Variants in HS3ST4 observed in about 807,000 individuals in gnomAD.
HS3ST4 encodes the protein heparan sulfate glucosamine 3-O-sulfotransferase 4.
In HS3ST4, 17 loss-of-function variants were observed where a neutral mutation model predicts 29.2. That is an observed-to-expected ratio of 0.58 (90% CI 0.40 to 0.87). HS3ST4 has a LOEUF of 0.87. Among genes scored for constraint, HS3ST4 ranks in the 40% least tolerant of loss-of-function variants. The pLI is 0.00. For missense variants in HS3ST4, 627 were observed against 634.5 expected, an observed-to-expected ratio of 0.99 and a Z score of 0.13; for synonymous variants, 314 against 285.7, an observed-to-expected ratio of 1.10 and a Z score of -1.00.
At chr16:25,998,940 T>C (rs1969179821) in intron 1 of HS3ST4, among the ~76,000 whole-genome samples, 1 of 152,194 alleles carries the variant, frequency 6.6e-6, no homozygotes, top group African/African-American at 2.4e-5. Flanking sequence ...GCATTTTCTG[T>C]TCCTGAAAGG....
chr16:25,723,192 G>A (rs191557936), intron 1 of HS3ST4, among the ~76,000 whole-genome samples: 24 of 152,234 alleles, frequency 1.6e-4, no homozygotes, highest in African/African-American at 5.5e-4. Context: ...GTAGTGACAC[G>A]GCTAAACCAT....
At chr16:25,881,283 T>A (rs1430637339) in intron 1 of HS3ST4, among the ~76,000 whole-genome samples, 1 of 152,148 alleles carries the variant, frequency 6.6e-6, no homozygotes, top group Non-Finnish European at 1.5e-5. Context: ...TCGATATAAA[T>A]TAAAACAAAT....
rs1462074222 is a variant in HS3ST4, at chr16:25,831,395, CTACACACACACACA to C, written c.734+138245_734+138258del. Reference sequence around the variant, plus strand: ...TGGGCAACATAATGAGACCCCGTCTCTACACACACACACACACACACACACACACACACACACAC... The same window carrying C: ...TGGGCAACATAATGAGACCCCGTCTCCACACACACACACACACACACACAC... On this transcript the variant is annotated intron_variant, in intron 1 of 1. Coordinates refer to ENST00000331351, the MANE Select transcript of HS3ST4 (RefSeq NM_006040.3). Among the ~76,000 whole-genome samples the C allele has an allele frequency of 9.0e-3, 917 of 101,640 alleles. 18 individuals are homozygous for C. Among genetic ancestry groups the C allele is most frequent in the African/African-American group, 0.032 (859 of 27,226 alleles). 66.7% of individuals were successfully genotyped at this position (101,640 alleles called of 152,430 possible). A position where few individuals can be genotyped will look rare whatever the true frequency, so the allele number is the denominator to read the frequency against.
At chr16:25,915,100 C>T (rs893330798) in intron 1 of HS3ST4, among the ~76,000 whole-genome samples, 8 of 152,080 alleles carry the variant, frequency 5.3e-5, no homozygotes, top group Non-Finnish European at 7.4e-5. Flanking sequence ...CAACCAATAA[C>T]GACTCCAGAT....
chr16:25,789,396 TTTG>T (rs1385893776), intron 1 of HS3ST4, among the ~76,000 whole-genome samples: 6 of 148,464 alleles, frequency 4.0e-5, no homozygotes, highest in African/African-American at 1.3e-4. Context: ...TTTCTCTTTC[TTTG>T]TTTTTTCCTT....
At chr16:25,831,995 G>T (rs1477763852) in intron 1 of HS3ST4, among the ~76,000 whole-genome samples, 1 of 152,024 alleles carries the variant, frequency 6.6e-6, no homozygotes, top group Non-Finnish European at 1.5e-5. Flanking sequence ...GGTTCCAGCT[G>T]CTCGGGAGGC....
At chr16:26,028,615 G>A (rs1179717003) in intron 1 of HS3ST4, among the ~76,000 whole-genome samples, 1 of 152,166 alleles carries the variant, frequency 6.6e-6, no homozygotes, top group Admixed American at 6.5e-5. Flanking sequence ...AATGTGATGG[G>A]CTAGTTTCTG....
chr16:26,098,146 T>G (rs1898950440), intron 1 of HS3ST4, among the ~76,000 whole-genome samples: 1 of 152,064 alleles, frequency 6.6e-6, no homozygotes, highest in South Asian at 2.1e-4. Context: ...GGAGTGTAAA[T>G]TAGTTCAACC....
chr16:26,124,425 A>G (rs1298161756), intron 1 of HS3ST4, among the ~76,000 whole-genome samples: 1 of 152,198 alleles, frequency 6.6e-6, no homozygotes, highest in African/African-American at 2.4e-5. Flanking sequence ...AAGCAATTGT[A>G]TATAGTTCTG....
chr16:25,892,911 A>C lies in HS3ST4; in HGVS notation c.734+199760A>C, dbSNP rs534915496. Among the ~76,000 whole-genome samples the C allele has an allele frequency of 2.0e-5, 3 of 152,360 alleles. No homozygotes were observed. The South Asian group carries it at 6.2e-4, about 32-fold the overall frequency. On this transcript the variant is annotated intron_variant, in intron 1 of 1. Coordinates refer to ENST00000331351, the MANE Select transcript of HS3ST4 (RefSeq NM_006040.3). The stretch of plus-strand genomic sequence containing the variant: ...CACGGAACTTATTTCCAGAGGGAGA[A>C]GATAGAATAAATAAGTAGACAAATG...
intron 1 of HS3ST4, among the ~76,000 whole-genome samples, chr16:26,122,609 A>G (rs1899290661): frequency 6.6e-6 from 1 of 152,200 alleles, no homozygotes; most frequent in Non-Finnish European, 1.5e-5. Context: ...GATTTCTAAT[A>G]ATTCACTAGG....
Position 25,947,557 on chromosome 16 carries a change from T to TA in HS3ST4, c.735-188053dup, listed in dbSNP as rs543607040. 9.9e-4 allele frequency among the ~76,000 whole-genome samples: 150 copies of TA among 150,950 alleles called. 2 individuals carry two copies. The highest frequency in any genetic ancestry group is 3.6e-3 in the African/African-American group (146 of 40,948). ...ACCCAGGTCATGCTTTATTTTTTTT[T>TA]AATGCAAAATCACAAGTATAAGCAG... On this transcript the variant is annotated intron_variant, in intron 1 of 1. Transcript: ENST00000331351.
chr16:25,711,603 C>T (rs915220714), intron 1 of HS3ST4, among the ~76,000 whole-genome samples: 4 of 152,032 alleles, frequency 2.6e-5, no homozygotes, highest in African/African-American at 7.3e-5. Flanking sequence ...TTTAGCCACC[C>T]CTCCCAAAAT....
intron 1 of HS3ST4, among the ~76,000 whole-genome samples, chr16:25,927,848 G>A (rs1422433967): frequency 6.6e-6 from 1 of 152,006 alleles, no homozygotes; most frequent in African/African-American, 2.4e-5. Context: ...TCTAGGCACT[G>A]AGGATGTAAC....
chr16:25,702,111 C>T (rs1040988198), intron 1 of HS3ST4, among the ~76,000 whole-genome samples: 12 of 152,088 alleles, frequency 7.9e-5, no homozygotes, highest in South Asian at 2.1e-4. Context: ...TATTATTTAA[C>T]CATTGTTCAG....
intron 1 of HS3ST4, among the ~76,000 whole-genome samples, chr16:25,725,903 T>C (rs1157156141): frequency 6.6e-6 from 1 of 152,198 alleles, no homozygotes. Flanking sequence ...TGCTTTTGAA[T>C]ATTCTATTAC....
chr16:25,717,821 C>A (rs1966466878), intron 1 of HS3ST4, among the ~76,000 whole-genome samples: 1 of 152,020 alleles, frequency 6.6e-6, no homozygotes, highest in South Asian at 2.1e-4. Context: ...AAATGATCAT[C>A]CTAATTGCTA....
chr16:25,888,527 T>G (rs1489697426), intron 1 of HS3ST4, among the ~76,000 whole-genome samples: 1 of 152,220 alleles, frequency 6.6e-6, no homozygotes, highest in Non-Finnish European at 1.5e-5. Context: ...TGAGCAGCAT[T>G]GGCTCTGTCT....
rs543332596 is a variant in HS3ST4 at position 26,022,981 on chromosome 16, G to C, written c.735-112631G>C. Among the ~76,000 whole-genome samples the C allele has an allele frequency of 3.3e-5, 5 of 152,184 alleles. No homozygotes were observed. The South Asian group carries it at 1.0e-3, about 32-fold the overall frequency. The stretch of plus-strand genomic sequence containing the variant: ...CTCTTGAATCCAGGAGGCGGAGGTT[G>C]CAATGAGCCGAGGTCATGCCATTGC... On this transcript the variant is annotated intron_variant, in intron 1 of 1. Coordinates refer to ENST00000331351, the MANE Select transcript of HS3ST4 (RefSeq NM_006040.3).
Sources: gnomAD v4.1 joint callset for allele counts (sites outside exome capture counted in the v4.1 genomes callset) on GRCh38, gnomAD v4.1.1 for gene constraint, MANE v1.5 for transcripts, NCBI Gene and HGNC (gene_info 2026-07-23, HGNC 2026-07-21) for gene names.